The following CST8 variants were observed in gnomAD, a reference collection of about 807,000 sequenced individuals.
The protein encoded by CST8 is cystatin-8.
A neutral mutation model predicts 11.8 loss-of-function variants in CST8; 20 were observed. That is an observed-to-expected ratio of 1.70 (90% CI 1.20 to 2.47). The LOEUF (loss-of-function observed/expected upper bound fraction) is 2.47. Among genes scored for constraint, CST8 ranks in the 30% most tolerant of loss-of-function variants. The probability of loss-of-function intolerance (pLI) is 0.00; values close to 1 mark genes in which losing one functional copy is unlikely to be tolerated. For synonymous variants in CST8, 77 were observed against 63.1 expected, an observed-to-expected ratio of 1.22 and a Z score of -1.05; for missense variants, 196 against 167.2, an observed-to-expected ratio of 1.17 and a Z score of -0.95.
chr20:23,502,256 T>C, the CST8 span, among the ~76,000 whole-genome samples: 360 of 152,288 alleles, frequency 2.4e-3, 1 homozygote, highest in African/African-American at 8.2e-3. Context: ...CCAAATAGTT[T>C]GGAAATCACT....
intron 3 of CST8, among the ~76,000 whole-genome samples, chr20:23,495,500 T>C (rs1340123395): frequency 6.6e-6 from 1 of 152,250 alleles, no homozygotes; most frequent in Non-Finnish European, 1.5e-5. Flanking sequence ...ATACTTTAAT[T>C]AACAATTAGA....
chr20:23,492,940 A>G lies in CST8; in HGVS notation c.232-18A>G, dbSNP rs753270110. On this transcript the variant is annotated intron_variant, in intron 2 of 3. Coordinates refer to ENST00000246012, the MANE Select transcript of CST8 (RefSeq NM_005492.4). ...GTACAACTCTTTTGAATAAAATTGC[A>G]TAATTGCTAACCAACAGGTCACAAA... 5.8e-6 allele frequency: 8 copies of G among 1,375,468 alleles called. No homozygotes were observed. In the Middle Eastern group the frequency reaches 7.1e-4, roughly 123 times the overall value. 85.2% of individuals were successfully genotyped at this position (1,375,468 alleles called of 1,614,324 possible).
At position 23,492,217 on chromosome 20, in the gene CST8, G is replaced by A. The variant is rs1161019946; in HGVS notation, c.231+319G>A. 2.6e-5 allele frequency among the ~76,000 whole-genome samples: 4 copies of A among 152,200 alleles called. No homozygotes were observed. The East Asian group carries it at 7.7e-4, about 29-fold the overall frequency. On this transcript the variant is annotated intron_variant, in intron 2 of 3. Coordinates refer to ENST00000246012, the MANE Select transcript of CST8 (RefSeq NM_005492.4). ...CCATGAGAAAAGATCTGATAAAGGTGAGTCCAGGTGAACCTGGACCCAACT... is the reference window on the plus strand; with the variant it reads ...CCATGAGAAAAGATCTGATAAAGGTAAGTCCAGGTGAACCTGGACCCAACT...
chr20:23,495,112 G>C (rs748385633), intron 3 of CST8, among the ~76,000 whole-genome samples: 2 of 152,140 alleles, frequency 1.3e-5, no homozygotes, highest in African/African-American at 4.8e-5. Flanking sequence ...ATGGTCTGCA[G>C]CTCCATTCAT....
chr20:23,506,134 A>G, the CST8 span, among the ~76,000 whole-genome samples: 1 of 152,136 alleles, frequency 6.6e-6, no homozygotes, highest in Non-Finnish European at 1.5e-5. Context: ...ATCTGACTAC[A>G]TTATAACATT....
the CST8 span, among the ~76,000 whole-genome samples, chr20:23,505,905 C>G: frequency 6.6e-6 from 1 of 152,092 alleles, no homozygotes; most frequent in Admixed American, 6.6e-5. Flanking sequence ...TGCTGAATGT[C>G]AATGGTAAAC....
downstream of CST8, among the ~76,000 whole-genome samples, chr20:23,500,052 A>C (rs1988146493): frequency 6.6e-6 from 1 of 151,120 alleles, no homozygotes; most frequent in Non-Finnish European, 1.5e-5. Flanking sequence ...GAAAGGGAGA[A>C]TAGAGACACA....
chr20:23,503,519 A>C, the CST8 span, among the ~76,000 whole-genome samples: 1 of 152,242 alleles, frequency 6.6e-6, no homozygotes, highest in Admixed American at 6.5e-5. Flanking sequence ...CTAAGACACC[A>C]AGAAAATACA....
At chr20:23,499,090 G>T (rs916026150), downstream of CST8, among the ~76,000 whole-genome samples, 1 of 152,210 alleles carries the variant, frequency 6.6e-6, no homozygotes, top group Non-Finnish European at 1.5e-5. Context: ...GATGTCGGGA[G>T]AAGACAAGGA....
chr20:23,491,619 C>A lies in CST8; in HGVS notation c.-49C>A, dbSNP rs754856072. 1.9e-5 allele frequency: 28 copies of A among 1,463,972 alleles called. No individual in the cohort carries two copies. In the South Asian group the frequency reaches 3.1e-4, roughly 16 times the overall value. 90.7% of individuals were successfully genotyped at this position (1,463,972 alleles called of 1,614,324 possible). On this transcript the variant is annotated 5_prime_UTR_variant, in exon 2 of 4. Transcript: ENST00000246012. ...ACCCCATCCTGCCCACAGCTCCAGCCCTGAGACGACGAGGAGGAGAGTCGA... is the reference window on the plus strand; with the variant it reads ...ACCCCATCCTGCCCACAGCTCCAGCACTGAGACGACGAGGAGGAGAGTCGA...
downstream of CST8, among the ~76,000 whole-genome samples, chr20:23,500,907 G>A (rs1364608586): frequency 6.6e-6 from 1 of 152,074 alleles, no homozygotes; most frequent in African/African-American, 2.4e-5. Context: ...AAAAAAAATT[G>A]CTTGAAATTT....
At chr20:23,492,518 A>T (rs1379997942) in intron 2 of CST8, among the ~76,000 whole-genome samples, 1 of 152,110 alleles carries the variant, frequency 6.6e-6, no homozygotes, top group African/African-American at 2.4e-5. Flanking sequence ...GTTTCACAGG[A>T]ATCTGAGGGA....
At chr20:23,494,342 A>C (rs2122195957) in intron 3 of CST8, among the ~76,000 whole-genome samples, 1 of 152,330 alleles carries the variant, frequency 6.6e-6, no homozygotes, top group South Asian at 2.1e-4. Context: ...CTTGTGTCTA[A>C]GATTTCCATG....
At chr20:23,497,987 A>C (rs1424796709), downstream of CST8, among the ~76,000 whole-genome samples, 1 of 150,192 alleles carries the variant, frequency 6.7e-6, no homozygotes, top group East Asian at 1.9e-4. Context: ...ATGTGTGTGC[A>C]TGTGTGTGTG....
downstream of CST8, among the ~76,000 whole-genome samples, chr20:23,500,022 A>G (rs958455472): frequency 2.0e-5 from 3 of 150,816 alleles, no homozygotes; most frequent in Admixed American, 2.0e-4. Flanking sequence ...GAGAGAGAGA[A>G]ACAGAGAGGA....
the CST8 span, among the ~76,000 whole-genome samples, chr20:23,506,487 A>G: frequency 6.6e-6 from 1 of 152,206 alleles, no homozygotes; most frequent in East Asian, 1.9e-4. Flanking sequence ...ATAGGATTTT[A>G]GAACTTTCTA....
the CST8 span, among the ~76,000 whole-genome samples, chr20:23,507,016 C>T: frequency 6.6e-6 from 1 of 152,120 alleles, no homozygotes; most frequent in South Asian, 2.1e-4. Context: ...ATGCACATGC[C>T]TTGTTCACAC....
downstream of CST8, chr20:23,496,100 G>A (rs918605386): frequency 3.5e-5 from 20 of 575,976 alleles, no homozygotes; most frequent in East Asian, 2.1e-4. Context: ...TGCTGGCACC[G>A]AACACAGCCA....
At chr20:23,493,960 G>T (rs1482455755) in intron 3 of CST8, among the ~76,000 whole-genome samples, 3 of 152,172 alleles carry the variant, frequency 2.0e-5, no homozygotes, top group Admixed American at 1.3e-4. Flanking sequence ...TGCTGCTGCT[G>T]CTGCTGGCCT....
Sources: gnomAD v4.1 joint callset for allele counts (sites outside exome capture counted in the v4.1 genomes callset) on GRCh38, gnomAD v4.1.1 for gene constraint, MANE v1.5 for transcripts, NCBI Gene and HGNC (gene_info 2026-07-23, HGNC 2026-07-21) for gene names.